Variants in LRP1B observed in about 807,000 individuals in gnomAD.
The protein encoded by LRP1B is LDL receptor related protein 1B, also known as low-density lipoprotein receptor-related protein 1B.
Under a neutral mutation model 556.6 loss-of-function variants are expected in LRP1B, and 217 were observed. The ratio of observed to expected loss-of-function variants is 0.39; its 90% CI spans 0.35 to 0.44. The LOEUF is 0.44. Ranked by LOEUF, LRP1B falls within the 20% of genes least tolerant of loss-of-function variation. The probability of loss-of-function intolerance (pLI) is 1.00; values close to 1 mark genes in which losing one functional copy is unlikely to be tolerated. For synonymous variants in LRP1B, 2,047 were observed against 1,865.8 expected (o/e 1.10, Z -2.50); for missense variants, 5,053 against 5,620.8 (o/e 0.90, Z 3.23).
chr2:141,797,549 A>G (rs986637494), intron 2 of LRP1B, among the ~76,000 whole-genome samples: 4 of 152,098 alleles, frequency 2.6e-5, no homozygotes, highest in African/African-American at 9.7e-5. Context: ...TATATTTTCA[A>G]ATTCACATAA....
chr2:141,216,139 C>T (rs532853004), intron 6 of LRP1B, among the ~76,000 whole-genome samples: 37 of 152,282 alleles, frequency 2.4e-4, no homozygotes, highest in African/African-American at 8.7e-4. Context: ...CTGCTCTGCA[C>T]AGCCTCAGGG....
intron 7 of LRP1B, among the ~76,000 whole-genome samples, chr2:141,159,305 GA>G: frequency 6.6e-6 from 1 of 152,134 alleles, no homozygotes; most frequent in East Asian, 1.9e-4. Context: ...GAATTGGAAG[GA>G]AAATAATTTA....
At chr2:141,043,703 C>G (rs1698775872) in intron 11 of LRP1B, among the ~76,000 whole-genome samples, 1 of 151,846 alleles carries the variant, frequency 6.6e-6, no homozygotes, top group Non-Finnish European at 1.5e-5. Context: ...AGTTTAAAAA[C>G]AAGTACTGCA....
At chr2:141,663,553 A>G (rs999641920) in intron 2 of LRP1B, among the ~76,000 whole-genome samples, 1 of 152,246 alleles carries the variant, frequency 6.6e-6, no homozygotes, top group Non-Finnish European at 1.5e-5. Context: ...AGAGAATACT[A>G]TAAACACCTC....
chr2:141,612,286 C>T (rs1484613278), intron 2 of LRP1B, among the ~76,000 whole-genome samples: 1 of 152,096 alleles, frequency 6.6e-6, no homozygotes, highest in African/African-American at 2.4e-5. Flanking sequence ...ACCAATTGTC[C>T]TGAGACTTGA....
At chr2:140,746,932 G>A (rs1421847731) in intron 35 of LRP1B, among the ~76,000 whole-genome samples, 4 of 151,542 alleles carry the variant, frequency 2.6e-5, no homozygotes, top group Non-Finnish European at 5.9e-5. Flanking sequence ...GAAAAATTAA[G>A]AAAAAAAATC....
At chr2:140,358,485 G>GA (rs954905815) in intron 73 of LRP1B, among the ~76,000 whole-genome samples, 9 of 151,614 alleles carry the variant, frequency 5.9e-5, no homozygotes, top group East Asian at 1.9e-4. Flanking sequence ...TCGGAATTCA[G>GA]AAAAAAGAAT....
intron 3 of LRP1B, among the ~76,000 whole-genome samples, chr2:141,339,219 T>TC (rs1687960145): frequency 6.6e-6 from 1 of 151,354 alleles, no homozygotes; most frequent in Non-Finnish European, 1.5e-5. Flanking sequence ...ATAAATTTTT[T>TC]CCCTAATTAG....
intron 1 of LRP1B, among the ~76,000 whole-genome samples, chr2:141,966,612 A>C (rs1574541055): frequency 6.6e-6 from 1 of 150,648 alleles, no homozygotes; most frequent in Non-Finnish European, 1.5e-5. Flanking sequence ...TCTATAAGCT[A>C]CCCTACCTGT....
At chr2:141,143,295 C>A (rs757503746) in intron 7 of LRP1B, among the ~76,000 whole-genome samples, 1 of 151,996 alleles carries the variant, frequency 6.6e-6, no homozygotes, top group Non-Finnish European at 1.5e-5. Context: ...TGACTGAGTT[C>A]GTCCTGTTTA....
chr2:141,802,936 C>T (rs1020196540), intron 2 of LRP1B, among the ~76,000 whole-genome samples: 2 of 152,112 alleles, frequency 1.3e-5, no homozygotes, highest in South Asian at 4.1e-4. Flanking sequence ...CGTTTGTTTA[C>T]AGTACATCGT....
intron 7 of LRP1B, among the ~76,000 whole-genome samples, chr2:141,157,212 T>C (rs1702088868): frequency 6.6e-6 from 1 of 152,108 alleles, no homozygotes. Context: ...AATATAAAAG[T>C]TTATGTGACT....
chr2:141,622,499 C>A (rs1307334428), intron 2 of LRP1B, among the ~76,000 whole-genome samples: 3 of 152,154 alleles, frequency 2.0e-5, no homozygotes, highest in Admixed American at 6.5e-5. Flanking sequence ...TGCTACATAC[C>A]TTTCAATATA....
chr2:141,511,580 G>C (rs2105153374), intron 2 of LRP1B, among the ~76,000 whole-genome samples: 1 of 152,168 alleles, frequency 6.6e-6, no homozygotes, highest in East Asian at 1.9e-4. Flanking sequence ...TGTTGTGTTG[G>C]TAAAACATTC....
chr2:141,535,871 A>G (rs1685053596), intron 2 of LRP1B, among the ~76,000 whole-genome samples: 1 of 152,166 alleles, frequency 6.6e-6, no homozygotes, highest in Admixed American at 6.6e-5. Flanking sequence ...AAACCATTTA[A>G]GCAGTTCTGA....
intron 27 of LRP1B, among the ~76,000 whole-genome samples, chr2:140,862,200 T>G (rs2105142968): frequency 6.6e-6 from 1 of 152,212 alleles, no homozygotes. Context: ...ATCCTTTAAG[T>G]GAAGTGTCTG....
Position 140,851,737 on chromosome 2 carries a change from G to C in LRP1B, c.4626C>G (p.His1542Gln), listed in dbSNP as rs774208239. The change falls in exon 28 of 91, where the codon CAC (histidine) becomes CAG (glutamine). Residue 1542 changes from histidine to glutamine, a missense_variant. Physicochemically the swap from His to Gln is conservative, Grantham distance 24. Transcript: ENST00000389484. ...AANDGKGPCSHMCLINHNRSA... is the reference protein window; with the variant it reads ...AANDGKGPCSQMCLINHNRSA... Reference sequence around the variant, plus strand: ...TCCTATTGTGATTGATTAGACACATGTGAGAGCAGGGGCCTTTGCCATCAT... The same window carrying C: ...TCCTATTGTGATTGATTAGACACATCTGAGAGCAGGGGCCTTTGCCATCAT... The C allele has an allele frequency of 6.2e-7, 1 of 1,608,622 alleles. No individual in the cohort carries two copies. Among genetic ancestry groups the C allele is most frequent in the Non-Finnish European group, 8.5e-7 (1 of 1,178,196 alleles).
chr2:141,827,465 A>G (rs1696976433), intron 1 of LRP1B, among the ~76,000 whole-genome samples: 1 of 152,214 alleles, frequency 6.6e-6, no homozygotes, highest in African/African-American at 2.4e-5. Context: ...CCCAGCCTTC[A>G]TTATGAGGCC....
intron 66 of LRP1B, among the ~76,000 whole-genome samples, chr2:140,423,179 T>A (rs1685519025): frequency 6.6e-6 from 1 of 152,162 alleles, no homozygotes; most frequent in Non-Finnish European, 1.5e-5. Flanking sequence ...GCCAATAGAA[T>A]CCCATGTAAT....
Sources: gnomAD v4.1 joint callset for allele counts (sites outside exome capture counted in the v4.1 genomes callset) on GRCh38, gnomAD v4.1.1 for gene constraint, MANE v1.5 for transcripts, NCBI Gene and HGNC (gene_info 2026-07-23, HGNC 2026-07-21) for gene names.